The following LPP variants were observed in gnomAD, a reference collection of about 807,000 sequenced individuals.
LPP encodes the protein LIM domain containing preferred translocation partner in lipoma, also known as lipoma-preferred partner.
A neutral mutation model predicts 60.4 loss-of-function variants in LPP; 38 were observed. The ratio of observed to expected loss-of-function variants is 0.63; its 90% CI spans 0.49 to 0.83. LPP has a LOEUF of 0.83. Among genes scored for constraint, LPP ranks in the 40% least tolerant of loss-of-function variants. The pLI is 0.00. For synonymous variants in LPP, 328 were observed against 290.8 expected, an observed-to-expected ratio of 1.13 and a Z score of -1.30; for missense variants, 902 against 783.6, an observed-to-expected ratio of 1.15 and a Z score of -1.80.
intron 9 of LPP, among the ~76,000 whole-genome samples, chr3:188,859,494 G>C (rs988803695): frequency 2.0e-5 from 3 of 152,094 alleles, no homozygotes; most frequent in African/African-American, 7.2e-5. Context: ...GTTAATAGTT[G>C]TGTCCACCTG....
intron 2 of LPP, among the ~76,000 whole-genome samples, chr3:188,275,873 AC>A (rs1739482108): frequency 3.3e-5 from 5 of 151,964 alleles, no homozygotes; most frequent in African/African-American, 4.8e-5. Context: ...ATGGGGTTTC[AC>A]CATATTGTCC....
intron 2 of LPP, among the ~76,000 whole-genome samples, chr3:188,256,867 G>A (rs1019289809): frequency 6.6e-6 from 1 of 152,148 alleles, no homozygotes; most frequent in African/African-American, 2.4e-5. Flanking sequence ...AGGTACACAT[G>A]CATACGTGTG....
chr3:188,661,917 TG>T, intron 7 of LPP, among the ~76,000 whole-genome samples: 1 of 152,250 alleles, frequency 6.6e-6, no homozygotes. Flanking sequence ...AGGAATATTC[TG>T]ATGTTTAGTT....
At chr3:188,336,820 ATCACATCAGC>A (rs1426288631) in intron 2 of LPP, among the ~76,000 whole-genome samples, 5 of 152,270 alleles carry the variant, frequency 3.3e-5, no homozygotes, top group African/African-American at 9.6e-5. Flanking sequence ...GATGTGGGTT[ATCACATCAGC>A]TCAGCTTTGG....
intron 3 of LPP, among the ~76,000 whole-genome samples, chr3:188,347,294 A>C (rs1441824295): frequency 6.6e-6 from 1 of 152,222 alleles, no homozygotes; most frequent in Admixed American, 6.5e-5. Context: ...GGATTTTAGG[A>C]AGGGACAAGA....
At chr3:188,384,356 A>G (rs575043237) in intron 3 of LPP, among the ~76,000 whole-genome samples, 15 of 45,762 alleles carry the variant, frequency 3.3e-4, no homozygotes, top group African/African-American at 9.0e-4. Context: ...GTGTGTGTGT[A>G]TAGATCTACA....
intron 6 of LPP, among the ~76,000 whole-genome samples, chr3:188,601,124 C>T (rs1484016662): frequency 6.6e-6 from 1 of 151,814 alleles, no homozygotes; most frequent in African/African-American, 2.4e-5. Context: ...AGGTATCTAC[C>T]CAGAAGTTGA....
At chr3:188,160,714 A>G (rs1187126716) in intron 1 of LPP, among the ~76,000 whole-genome samples, 1 of 152,232 alleles carries the variant, frequency 6.6e-6, no homozygotes, top group East Asian at 1.9e-4. Flanking sequence ...CTTGTGTACA[A>G]AGTGATTACT....
intron 9 of LPP, among the ~76,000 whole-genome samples, chr3:188,822,446 C>T (rs1216080202): frequency 6.6e-6 from 1 of 151,828 alleles, no homozygotes; most frequent in Non-Finnish European, 1.5e-5. Context: ...TTGGGTCACC[C>T]GTGTGACATG....
intron 2 of LPP, among the ~76,000 whole-genome samples, chr3:188,246,493 A>C (rs866926230): frequency 1.3e-5 from 2 of 152,144 alleles, no homozygotes; most frequent in Admixed American, 6.5e-5. Context: ...ATTGTATTTC[A>C]TTTCTCTTAT....
At chr3:188,658,233 T>C (rs1233292471) in intron 7 of LPP, among the ~76,000 whole-genome samples, 1 of 149,880 alleles carries the variant, frequency 6.7e-6, no homozygotes, top group Non-Finnish European at 1.5e-5. Context: ...AACCTCTGCC[T>C]CCCAGGTTCA....
At chr3:188,590,485 A>T (rs553070721) in intron 6 of LPP, among the ~76,000 whole-genome samples, 62 of 152,282 alleles carry the variant, frequency 4.1e-4, no homozygotes, top group African/African-American at 1.4e-3. Context: ...GAGGCAGGAG[A>T]ATCGCTTGAA....
At chr3:188,595,564 A>C (rs1839826904) in intron 6 of LPP, among the ~76,000 whole-genome samples, 1 of 152,224 alleles carries the variant, frequency 6.6e-6, no homozygotes, top group Admixed American at 6.5e-5. Flanking sequence ...ATTTCCAGCT[A>C]ATAGTGTGTA....
chr3:188,452,303 T>C (rs1320038767), intron 4 of LPP, among the ~76,000 whole-genome samples: 1 of 152,210 alleles, frequency 6.6e-6, no homozygotes, highest in African/African-American at 2.4e-5. Flanking sequence ...GCAGATAGTC[T>C]GTGAAGAAGT....
intron 10 of LPP, among the ~76,000 whole-genome samples, chr3:188,868,133 C>T (rs1412099915): frequency 3.9e-5 from 6 of 152,110 alleles, no homozygotes; most frequent in African/African-American, 1.2e-4. Context: ...AAAATCCCTG[C>T]GTCTTAAGGG....
chr3:188,384,370 A>G (rs1777660714), intron 3 of LPP, among the ~76,000 whole-genome samples: 1 of 148,876 alleles, frequency 6.7e-6, no homozygotes, highest in East Asian at 2.0e-4. Context: ...ATCTACATAC[A>G]TGTGTACACA....
In LPP at chr3:188,735,370, A is replaced by G. The variant is rs1224780942; in HGVS notation, c.1241-24743A>G. 5.3e-5 allele frequency among the ~76,000 whole-genome samples: 8 copies of G among 149,718 alleles called. No individual in the cohort carries two copies. The Admixed American group carries it at 5.4e-4, about 10-fold the overall frequency. On this transcript the variant is annotated intron_variant, in intron 8 of 11. Transcript: ENST00000617246. ...GTAGTGTAATATAAATAAAATAAAAATTTTATTTTATTATTATTATTATTT... is the reference window on the plus strand; with the variant it reads ...GTAGTGTAATATAAATAAAATAAAAGTTTTATTTTATTATTATTATTATTT...
At chr3:188,324,647 T>C (rs765331552) in intron 2 of LPP, among the ~76,000 whole-genome samples, 9 of 152,198 alleles carry the variant, frequency 5.9e-5, no homozygotes, top group Non-Finnish European at 1.3e-4. Flanking sequence ...CAAGTTACCA[T>C]CCATTGCCAT....
chr3:188,820,959 G>A (rs776615312), intron 9 of LPP, among the ~76,000 whole-genome samples: 20 of 151,928 alleles, frequency 1.3e-4, no homozygotes, highest in Non-Finnish European at 2.5e-4. Flanking sequence ...TTACATATAC[G>A]AGATGATTTC....
Sources: gnomAD v4.1 joint callset for allele counts (sites outside exome capture counted in the v4.1 genomes callset) on GRCh38, gnomAD v4.1.1 for gene constraint, MANE v1.5 for transcripts, NCBI Gene and HGNC (gene_info 2026-07-23, HGNC 2026-07-21) for gene names.